The following GRIN2A variants were observed in gnomAD, a reference collection of about 807,000 sequenced individuals.
The protein encoded by GRIN2A is glutamate ionotropic receptor NMDA type subunit 2A.
Under a neutral mutation model 113.4 loss-of-function variants are expected in GRIN2A, and 22 were observed. That is an observed-to-expected ratio of 0.19 (90% CI 0.14 to 0.28). The LOEUF (loss-of-function observed/expected upper bound fraction) is 0.28, where lower values mean the gene tolerates loss of function less well. GRIN2A is among the 10% of genes least tolerant of loss of function. GRIN2A has a pLI of 1.00. For missense variants in GRIN2A, 1,502 were observed against 1,887.0 expected, an observed-to-expected ratio of 0.80 and a Z score of 3.78; for synonymous variants, 827 against 738.4, an observed-to-expected ratio of 1.12 and a Z score of -1.94.
intron 2 of GRIN2A, among the ~76,000 whole-genome samples, chr16:10,156,774 ACAGTTTT>A (rs2049706210): frequency 6.6e-6 from 1 of 152,220 alleles, no homozygotes. Flanking sequence ...ATTTCTTCTT[ACAGTTTT>A]CAGGGTTTTC....
At chr16:9,890,793 C>CA (rs1165996864) in intron 4 of GRIN2A, among the ~76,000 whole-genome samples, 193 bp downstream of exon 4, 1 of 152,206 alleles carries the variant, frequency 6.6e-6, no homozygotes, top group Non-Finnish European at 1.5e-5. Context: ...TACCACAGTT[C>CA]ACCCAGAGAA....
intron 2 of GRIN2A, among the ~76,000 whole-genome samples, chr16:10,072,946 C>CCCCCTTTTT (rs565877354): frequency 9.6e-6 from 1 of 104,230 alleles, no homozygotes; most frequent in African/African-American, 3.7e-5. Flanking sequence ...ACAAGACCCC[C>CCCCCTTTTT]TTTTTTTTTT....
intron 3 of GRIN2A, among the ~76,000 whole-genome samples, chr16:9,922,032 A>G (rs1395120836): frequency 6.6e-6 from 1 of 152,214 alleles, no homozygotes; most frequent in Admixed American, 6.5e-5. Flanking sequence ...TATTAAAAAC[A>G]TAAAAAAGAG....
intron 2 of GRIN2A, among the ~76,000 whole-genome samples, chr16:10,131,695 C>T (rs984893720): frequency 2.0e-5 from 3 of 152,060 alleles, no homozygotes; most frequent in African/African-American, 7.2e-5. Context: ...ATGGGATTAG[C>T]CAGTTTAAGA....
intron 4 of GRIN2A, among the ~76,000 whole-genome samples, chr16:9,853,091 T>C (rs2042912738): frequency 6.6e-6 from 1 of 151,940 alleles, no homozygotes; most frequent in Non-Finnish European, 1.5e-5. Context: ...CCTGAGGAGG[T>C]GACACTTAAG....
At chr16:10,123,277 C>T (rs2048867916) in intron 2 of GRIN2A, among the ~76,000 whole-genome samples, 2 of 152,308 alleles carry the variant, frequency 1.3e-5, no homozygotes, top group African/African-American at 2.4e-5. Flanking sequence ...TGGCTCGGGG[C>T]TCCCTGCGTA....
At chr16:10,129,711 G>T (rs1007932568) in intron 2 of GRIN2A, among the ~76,000 whole-genome samples, 2 of 152,216 alleles carry the variant, frequency 1.3e-5, no homozygotes, top group African/African-American at 2.4e-5. Flanking sequence ...CTAGGCCACA[G>T]CAAGCAATTG....
At chr16:10,054,168 G>GA (rs1230430595) in intron 2 of GRIN2A, among the ~76,000 whole-genome samples, 3 of 151,344 alleles carry the variant, frequency 2.0e-5, no homozygotes, top group East Asian at 1.9e-4. Context: ...TAAACCAAGC[G>GA]AAAAAAAAGA....
chr16:10,024,220 ATGTT>A (rs3033410), intron 2 of GRIN2A, among the ~76,000 whole-genome samples: 13,778 of 151,828 alleles, frequency 0.091, 699 homozygotes, highest in Non-Finnish European at 0.11. Flanking sequence ...AATGGTATGC[ATGTT>A]TGTTTGTTTG....
chr16:10,098,158 T>G (rs967684871), intron 2 of GRIN2A, among the ~76,000 whole-genome samples: 1 of 151,734 alleles, frequency 6.6e-6, no homozygotes, highest in Non-Finnish European at 1.5e-5. Context: ...CATGAACAGA[T>G]AGTTCTCAAA....
chr16:9,909,283 C>T (rs1050511436), intron 3 of GRIN2A, among the ~76,000 whole-genome samples: 18 of 152,224 alleles, frequency 1.2e-4, no homozygotes, highest in Non-Finnish European at 5.9e-5. Context: ...CCCACCAGGT[C>T]CTTCCCACAA....
intron 3 of GRIN2A, among the ~76,000 whole-genome samples, chr16:9,920,645 C>T (rs983984183): frequency 2.6e-5 from 4 of 151,390 alleles, no homozygotes; most frequent in Non-Finnish European, 5.9e-5. Flanking sequence ...CGGCTCACTG[C>T]AACCTCGCCT....
At chr16:9,948,521 G>A (rs1015552571) in intron 2 of GRIN2A, among the ~76,000 whole-genome samples, 4 of 152,210 alleles carry the variant, frequency 2.6e-5, no homozygotes, top group Non-Finnish European at 4.4e-5. Context: ...CTGGTGCCAG[G>A]TGACCTCTGT....
intron 2 of GRIN2A, among the ~76,000 whole-genome samples, chr16:10,023,483 T>C (rs1380685539): frequency 1.3e-5 from 2 of 152,222 alleles, no homozygotes; most frequent in Non-Finnish European, 2.9e-5. Context: ...GGCACAAATC[T>C]TAAAACCAGT....
chr16:9,855,281 A>C (rs554592345), intron 4 of GRIN2A, among the ~76,000 whole-genome samples: 3 of 152,180 alleles, frequency 2.0e-5, no homozygotes, highest in Non-Finnish European at 4.4e-5. Flanking sequence ...TAAAAACAAC[A>C]CTTCCATTTC....
At chr16:9,868,592 T>G (rs1428915963) in intron 4 of GRIN2A, among the ~76,000 whole-genome samples, 1 of 152,108 alleles carries the variant, frequency 6.6e-6, no homozygotes, top group African/African-American at 2.4e-5. Context: ...AATACCTCTG[T>G]GTATCTGGCC....
At chr16:10,091,335 G>T (rs146019132) in intron 2 of GRIN2A, among the ~76,000 whole-genome samples, 1 of 152,182 alleles carries the variant, frequency 6.6e-6, no homozygotes, top group Middle Eastern at 3.4e-3. Context: ...TTGGCTGGGC[G>T]CAGTGGATCA....
chr16:10,178,509 A>C (rs2050194878), intron 2 of GRIN2A, among the ~76,000 whole-genome samples: 1 of 152,190 alleles, frequency 6.6e-6, no homozygotes, highest in African/African-American at 2.4e-5. Context: ...TCCAGTTCTG[A>C]AATTGTCAGT....
At chr16:9,852,487 G>T (rs1448682747) in intron 4 of GRIN2A, among the ~76,000 whole-genome samples, 1 of 152,154 alleles carries the variant, frequency 6.6e-6, no homozygotes, top group African/African-American at 2.4e-5. Flanking sequence ...AGTTGCAAAG[G>T]TTTATGAGCC....
Sources: gnomAD v4.1 joint callset for allele counts (sites outside exome capture counted in the v4.1 genomes callset) on GRCh38, gnomAD v4.1.1 for gene constraint, MANE v1.5 for transcripts, NCBI Gene and HGNC (gene_info 2026-07-23, HGNC 2026-07-21) for gene names.